DOCK2: variants seen among roughly 807,000 people sequenced by gnomAD.
DOCK2 encodes dedicator of cytokinesis protein 2.
Under a neutral mutation model 248.9 loss-of-function variants are expected in DOCK2, and 87 were observed. That is an observed-to-expected ratio of 0.35 (90% CI 0.29 to 0.42). The LOEUF is 0.42. Ranked by LOEUF, DOCK2 falls within the 10% of genes least tolerant of loss-of-function variation. The pLI, the probability that DOCK2 is intolerant of heterozygous loss-of-function variation, is 1.00. For missense variants in DOCK2, 1,747 were observed against 2,300.2 expected, an observed-to-expected ratio of 0.76 and a Z score of 4.92; for synonymous variants, 805 against 821.6, an observed-to-expected ratio of 0.98 and a Z score of 0.35.
At chr5:169,952,342 G>A (rs1776696331) in intron 27 of DOCK2, among the ~76,000 whole-genome samples, 1 of 152,106 alleles carries the variant, frequency 6.6e-6, no homozygotes, top group South Asian at 2.1e-4. Context: ...AATCAATGCA[G>A]CATGGTCCTT....
intron 2 of DOCK2, among the ~76,000 whole-genome samples, chr5:169,669,021 G>A (rs1758885984): frequency 6.6e-6 from 1 of 152,116 alleles, no homozygotes; most frequent in African/African-American, 2.4e-5. Flanking sequence ...CCAGTTGGGA[G>A]CACTGGCCAG....
chr5:169,996,241 A>G (rs1754628112), intron 30 of DOCK2, 77 bp downstream of exon 30: 1 of 1,460,038 alleles, frequency 6.8e-7, no homozygotes, highest in African/African-American at 1.4e-5. Flanking sequence ...GCTCCATCAG[A>G]CACATCCCAA....
chr5:169,848,183 C>T (rs1309885941), intron 27 of DOCK2, among the ~76,000 whole-genome samples: 1 of 152,186 alleles, frequency 6.6e-6, no homozygotes, highest in South Asian at 2.1e-4. Flanking sequence ...AAAAGTTTGA[C>T]TCAAAATGCC....
chr5:169,980,082 T>C (rs1213115027), intron 27 of DOCK2, among the ~76,000 whole-genome samples: 1 of 152,208 alleles, frequency 6.6e-6, no homozygotes, highest in Admixed American at 6.5e-5. Flanking sequence ...TCCATATCCA[T>C]GCATTTGGGG....
At chr5:169,780,008 C>A (rs937193667) in intron 25 of DOCK2, among the ~76,000 whole-genome samples, 4 of 152,198 alleles carry the variant, frequency 2.6e-5, no homozygotes, top group African/African-American at 9.7e-5. Flanking sequence ...GTAAGGCACA[C>A]CTTGCCAAGG....
At chr5:169,721,483 G>A (rs761223307) in intron 22 of DOCK2, among the ~76,000 whole-genome samples, 2 of 152,210 alleles carry the variant, frequency 1.3e-5, no homozygotes, top group African/African-American at 4.8e-5. Context: ...TTCTCCATAC[G>A]AGGGGGCATC....
At chr5:170,031,053 A>G (rs1359531120) in intron 34 of DOCK2, among the ~76,000 whole-genome samples, 1 of 152,222 alleles carries the variant, frequency 6.6e-6, no homozygotes, top group Non-Finnish European at 1.5e-5. Flanking sequence ...CTACCCTCAG[A>G]GCTCTCTTTG....
intron 25 of DOCK2, among the ~76,000 whole-genome samples, chr5:169,790,906 C>G (rs772812733): frequency 3.9e-5 from 6 of 152,148 alleles, no homozygotes; most frequent in Non-Finnish European, 7.4e-5. Context: ...ACTTACTATG[C>G]CATGCCTTCC....
intron 33 of DOCK2, 48 bp from the exon 34 acceptor site, chr5:170,027,815 C>T (rs1364347214): frequency 3.2e-6 from 5 of 1,552,372 alleles, no homozygotes; most frequent in Non-Finnish European, 4.4e-6. Flanking sequence ...TAATTTCAGC[C>T]CTCAGCCTTC....
At chr5:169,789,079 G>A (rs1190756386) in intron 25 of DOCK2, among the ~76,000 whole-genome samples, 1 of 152,148 alleles carries the variant, frequency 6.6e-6, no homozygotes, top group Non-Finnish European at 1.5e-5. Flanking sequence ...ACTTATAAGT[G>A]AGAACATGTA....
chr5:169,643,147 G>T (rs990787747), intron 1 of DOCK2, among the ~76,000 whole-genome samples: 6 of 152,250 alleles, frequency 3.9e-5, no homozygotes, highest in African/African-American at 4.8e-5. Context: ...AAACAGTCAG[G>T]CTGAGTTTGT....
intron 27 of DOCK2, among the ~76,000 whole-genome samples, chr5:169,844,780 T>C (rs1389062577): frequency 1.3e-5 from 2 of 151,480 alleles, no homozygotes; most frequent in Non-Finnish European, 2.9e-5. Context: ...TTGTCACAGC[T>C]CCTCTCTTAG....
chr5:169,969,167 G>A (rs562618234), intron 27 of DOCK2, among the ~76,000 whole-genome samples: 3 of 152,084 alleles, frequency 2.0e-5, no homozygotes, highest in African/African-American at 4.8e-5. Context: ...AAAAATGGCC[G>A]GGGGTGGTGG....
intron 25 of DOCK2, among the ~76,000 whole-genome samples, chr5:169,783,015 C>T (rs371955092): frequency 2.0e-5 from 3 of 152,266 alleles, no homozygotes; most frequent in South Asian, 4.1e-4. Context: ...TGGTGATGTC[C>T]TCAAGGAGCT....
At chr5:169,798,190 A>G (rs1301241535) in intron 25 of DOCK2, among the ~76,000 whole-genome samples, 2 of 152,186 alleles carry the variant, frequency 1.3e-5, no homozygotes, top group Non-Finnish European at 2.9e-5. Context: ...TCCACCTAGC[A>G]AATATATCCT....
chr5:169,786,993 C>T (rs1433092535), intron 25 of DOCK2, among the ~76,000 whole-genome samples: 1 of 152,146 alleles, frequency 6.6e-6, no homozygotes, highest in African/African-American at 2.4e-5. Context: ...ATAATGCTTT[C>T]CATGGGCCAG....
At chr5:169,978,215 C>T (rs963852031) in intron 27 of DOCK2, among the ~76,000 whole-genome samples, 5 of 152,116 alleles carry the variant, frequency 3.3e-5, no homozygotes, top group African/African-American at 4.8e-5. Context: ...ACTCCCTCTG[C>T]GATCTCATCA....
At chr5:169,896,702 A>G (rs1277116855) in intron 27 of DOCK2, among the ~76,000 whole-genome samples, 3 of 152,210 alleles carry the variant, frequency 2.0e-5, no homozygotes, top group South Asian at 2.1e-4. Context: ...AAAGATTTCT[A>G]TCACTCACTA....
chr5:169,679,171 C>G (rs1317497928), intron 6 of DOCK2, among the ~76,000 whole-genome samples: 2 of 152,182 alleles, frequency 1.3e-5, no homozygotes, highest in African/African-American at 2.4e-5. Context: ...TCCCGAGGAG[C>G]TGGAACTACA....
Sources: gnomAD v4.1 joint callset for allele counts (sites outside exome capture counted in the v4.1 genomes callset) on GRCh38, gnomAD v4.1.1 for gene constraint, MANE v1.5 for transcripts, NCBI Gene and HGNC (gene_info 2026-07-23, HGNC 2026-07-21) for gene names.